The following DPP8 variants were observed in gnomAD, a reference collection of about 807,000 sequenced individuals.
DPP8 encodes dipeptidyl peptidase 8, also known as DPP VIII.
In DPP8, 31 loss-of-function variants were observed where a neutral mutation model predicts 107.5. The observed-to-expected ratio is 0.29, with a 90% CI of 0.22 to 0.39. The LOEUF (loss-of-function observed/expected upper bound fraction) is 0.39. Ranked by LOEUF, DPP8 falls within the 10% of genes least tolerant of loss-of-function variation. DPP8 has a pLI of 1.00. For synonymous variants in DPP8, 381 were observed against 356.6 expected (o/e 1.07, Z -0.77); for missense variants, 842 against 1,076.1 (o/e 0.78, Z 3.04).
chr15:65,497,941 G>C lies in DPP8; in HGVS notation c.638C>G (p.Ala213Gly), dbSNP rs1388043470. Residue 213 changes from alanine to glycine, a missense_variant, in exon 5 of 20, where the codon GCT (alanine) becomes GGT (glycine). By Grantham distance (60) the Ala-to-Gly change is moderately conservative. Coordinates refer to ENST00000300141, the MANE Select transcript of DPP8 (RefSeq NM_130434.5). Reference protein sequence around the residue: ...KLCPADPDWIAFIHSNDIWIS... With the variant: ...KLCPADPDWIGFIHSNDIWIS... The stretch of plus-strand genomic sequence containing the variant: ...CCAAATATCGTTGCTATGTATAAAA[G>C]CAATCCAGTCTGGATCAGCAGGGCA... 1 of 1,610,546 alleles carries C rather than the reference G, an allele frequency of 6.2e-7. No individual in the cohort carries two copies. The highest frequency in any genetic ancestry group is 8.5e-7 in the Non-Finnish European group (1 of 1,177,842).
At chr15:65,474,891 TAA>T (rs1296903042) in intron 11 of DPP8, among the ~76,000 whole-genome samples, 2 of 152,234 alleles carry the variant, frequency 1.3e-5, no homozygotes, top group Non-Finnish European at 2.9e-5. Context: ...TCTATTTAGG[TAA>T]TGCAAAAACA....
chr15:65,516,542 G>C (rs781693850), intron 1 of DPP8: 1 of 152,186 alleles, frequency 6.6e-6, no homozygotes, highest in Non-Finnish European at 1.5e-5. Context: ...GAAAAGCTAA[G>C]TGGCAAGTGC....
At chr15:65,479,748 G>A (rs1037651019) in intron 10 of DPP8, among the ~76,000 whole-genome samples, 4 of 151,166 alleles carry the variant, frequency 2.6e-5, no homozygotes, top group African/African-American at 7.3e-5. Flanking sequence ...GGAGGCTGAG[G>A]CAGGAGAATG....
intron 12 of DPP8, among the ~76,000 whole-genome samples, chr15:65,472,703 T>C (rs1212939339): frequency 6.6e-6 from 1 of 152,168 alleles, no homozygotes; most frequent in Non-Finnish European, 1.5e-5. Context: ...TCTAAAACTA[T>C]GAATATGCCC....
In DPP8 at chr15:65,474,379, A is replaced by G. The variant is rs534720403; in HGVS notation, c.1457-91T>C. On this transcript the variant is annotated intron_variant, in intron 11 of 19. Transcript: ENST00000300141. ...AACAGTACTCTAAGCTCTTTTTTCC[A>G]AAAAGTTATGTTTGGGGTAATAAAA... 154 of 957,580 alleles carry G rather than the reference A, an allele frequency of 1.6e-4. 2 individuals carry two copies. In the South Asian group the frequency reaches 2.1e-3, roughly 13 times the overall value. The allele number at this position is 957,580 out of a possible 1,614,324, so 59.3% of individuals were successfully genotyped here. A position where few individuals can be genotyped will look rare whatever the true frequency, so the allele number is the denominator to read the frequency against.
intron 19 of DPP8, among the ~76,000 whole-genome samples, chr15:65,448,341 C>T (rs2063622863): frequency 6.6e-6 from 1 of 151,910 alleles, no homozygotes; most frequent in African/African-American, 2.4e-5. Flanking sequence ...TGAGATCAGC[C>T]TGGGCAACTT....
intron 19 of DPP8, among the ~76,000 whole-genome samples, chr15:65,448,919 T>C (rs2140311900): frequency 2.3e-5 from 2 of 88,656 alleles, no homozygotes; most frequent in Admixed American, 2.8e-4. Context: ...TATATATATA[T>C]ATATTTAGCC....
rs374825029 is a variant in DPP8 at position 65,511,621 on chromosome 15, C to G, written c.259+674G>C. ...TGCCACTGCACTCCAACCTGGGTGA[C>G]AGAGTGAGACCCTGTCTCAAAAAAA... On this transcript the variant is annotated intron_variant, in intron 2 of 19. Transcript: ENST00000300141. 7.1e-4 allele frequency among the ~76,000 whole-genome samples: 83 copies of G among 116,346 alleles called. 1 individual carries two copies. Among genetic ancestry groups the G allele is most frequent in the Middle Eastern group, 0.014 (2 of 138 alleles). The allele number at this position is 116,346 out of a possible 152,430, so 76.3% of individuals were successfully genotyped here.
At chr15:65,464,392 CA>C (rs1455220015) in intron 14 of DPP8, among the ~76,000 whole-genome samples, 2 of 150,498 alleles carry the variant, frequency 1.3e-5, no homozygotes, top group African/African-American at 4.9e-5. Flanking sequence ...TTAAAAAAAA[CA>C]AAACTAGGCC....
chr15:65,474,161 TCA>T, intron 12 of DPP8, 46 bp downstream of exon 12: 2 of 1,337,356 alleles, frequency 1.5e-6, no homozygotes, highest in South Asian at 1.2e-5. Flanking sequence ...AGCACTGCAT[TCA>T]CACAGTAATA....
In DPP8 at chr15:65,517,122, T is replaced by G. The variant is rs1405969024; in HGVS notation, c.-12+364A>C. ...CGGACTTAAGGAAAATCCCTTCGCC[T>G]CTGTGGGCTTCCGTTTCCTCATCTG... On this transcript the variant is annotated intron_variant, in intron 1 of 19. Transcript: ENST00000300141. 5 of 152,366 alleles carry G rather than the reference T, an allele frequency of 3.3e-5. No individual in the cohort carries two copies. In the East Asian group the frequency reaches 7.7e-4, roughly 24 times the overall value. The allele number at this position is 152,366 out of a possible 1,614,324, so 9.4% of individuals were successfully genotyped here.
chr15:65,454,125 A>G (rs1282563908), intron 17 of DPP8, 138 bp downstream of exon 17: 1 of 595,142 alleles, frequency 1.7e-6, no homozygotes, highest in East Asian at 3.8e-5. Flanking sequence ...TTACAGAGCA[A>G]GACTTCGTCT....
At chr15:65,488,153 TA>T (rs1384269398) in intron 6 of DPP8, among the ~76,000 whole-genome samples, 11 of 152,188 alleles carry the variant, frequency 7.2e-5, no homozygotes, top group South Asian at 2.1e-4. Context: ...TATTTCCTAT[TA>T]AAAAAATAAA....
chr15:65,470,390 G>A (rs2065771604), intron 12 of DPP8, among the ~76,000 whole-genome samples: 1 of 151,678 alleles, frequency 6.6e-6, no homozygotes, highest in South Asian at 2.1e-4. Context: ...CAGATCACGT[G>A]AGGTCAGGAG....
intron 12 of DPP8, among the ~76,000 whole-genome samples, chr15:65,472,953 G>C (rs1223608967): frequency 4.6e-5 from 7 of 152,086 alleles, no homozygotes; most frequent in Non-Finnish European, 1.0e-4. Context: ...TGGGAGGAAG[G>C]CTTGAGCCCA....
chr15:65,474,208 C>T lies in DPP8; in HGVS notation c.1536+1G>A. 6.2e-7 allele frequency: 1 copy of T among 1,602,178 alleles called. No homozygotes were observed. The highest frequency in any genetic ancestry group is 8.6e-7 in the Non-Finnish European group (1 of 1,169,224). On this transcript the variant is annotated splice_donor_variant, in intron 12 of 19. Coordinates refer to ENST00000300141, the MANE Select transcript of DPP8 (RefSeq NM_130434.5). LOFTEE classifies it high-confidence loss of function. ...CATATCAGTAGAATAAAATAACATA[C>T]ATTAGATCCATGCCGGCCAAGAACT...
chr15:65,481,510 C>A lies in DPP8; in HGVS notation c.1118+5G>T, dbSNP rs1372918269. ...TATAAAGAAGTAACAATTTAACATA[C>A]GCACTATTTTCCCTCAGGAGTCCAT... On this transcript the variant is annotated splice_donor_5th_base_variant and intron_variant, in intron 9 of 19. Transcript: ENST00000300141. The A allele has an allele frequency of 1.3e-6, 2 of 1,518,036 alleles. No individual in the cohort carries two copies. The highest frequency in any genetic ancestry group is 1.8e-6 in the Non-Finnish European group (2 of 1,112,164). 94.0% of individuals were successfully genotyped at this position (1,518,036 alleles called of 1,614,324 possible).
chr15:65,486,333 C>T (rs1433308285), intron 7 of DPP8, among the ~76,000 whole-genome samples: 4 of 151,196 alleles, frequency 2.6e-5, no homozygotes, highest in Admixed American at 6.6e-5. Context: ...ACCTGGGAGG[C>T]GGAGGTTGTA....
At chr15:65,464,700 A>G (rs2065195233) in intron 14 of DPP8, among the ~76,000 whole-genome samples, 1 of 152,184 alleles carries the variant, frequency 6.6e-6, no homozygotes, top group Non-Finnish European at 1.5e-5. Context: ...GACAACAACA[A>G]AAACCCACCA....
Sources: gnomAD v4.1 joint callset for allele counts (sites outside exome capture counted in the v4.1 genomes callset) on GRCh38, gnomAD v4.1.1 for gene constraint, MANE v1.5 for transcripts, NCBI Gene and HGNC (gene_info 2026-07-23, HGNC 2026-07-21) for gene names.